Variants in ITGB6 observed in about 807,000 individuals in gnomAD.
The protein encoded by ITGB6 is integrin beta-6.
In ITGB6, 80 loss-of-function variants were observed where a neutral mutation model predicts 84.5. The ratio of observed to expected loss-of-function variants is 0.95; its 90% CI spans 0.79 to 1.14. The LOEUF (loss-of-function observed/expected upper bound fraction) is 1.14, where lower values mean the gene tolerates loss of function less well. Ranked by LOEUF, ITGB6 falls within the 50% of genes most tolerant of loss-of-function variation. The pLI is 0.00. For missense variants in ITGB6, 1,006 were observed against 968.0 expected (o/e 1.04, Z -0.52); for synonymous variants, 383 against 354.9 (o/e 1.08, Z -0.89).
At chr2:160,154,616 A>G (rs1464820437) in intron 7 of ITGB6, among the ~76,000 whole-genome samples, 1 of 152,082 alleles carries the variant, frequency 6.6e-6, no homozygotes, top group Non-Finnish European at 1.5e-5. Flanking sequence ...CCACACAAAA[A>G]CGTGTACATA....
chr2:160,107,577 G>T, intron 14 of ITGB6, 102 bp downstream of exon 14: 2 of 1,046,558 alleles, frequency 1.9e-6, no homozygotes, highest in Non-Finnish European at 2.8e-6. Flanking sequence ...GAGAAAAAAT[G>T]TGACATTTGA....
chr2:160,139,752 T>C (rs2105821903), intron 8 of ITGB6, among the ~76,000 whole-genome samples: 1 of 152,292 alleles, frequency 6.6e-6, no homozygotes, highest in Admixed American at 6.5e-5. Context: ...TTTTTGAGCA[T>C]CTCTTATGAA....
chr2:160,169,800 C>T (rs879712186), intron 6 of ITGB6, among the ~76,000 whole-genome samples: 25 of 152,202 alleles, frequency 1.6e-4, no homozygotes, highest in Admixed American at 5.9e-4. Flanking sequence ...CATACTATGA[C>T]ATTCCCGTAC....
intron 7 of ITGB6, among the ~76,000 whole-genome samples, chr2:160,162,654 T>C (rs947319544): frequency 2.0e-5 from 3 of 152,206 alleles, no homozygotes; most frequent in Non-Finnish European, 2.9e-5. Flanking sequence ...GTTTCACTCT[T>C]GTTGCCCAGG....
chr2:160,172,191 A>G (rs1037451139), intron 6 of ITGB6, among the ~76,000 whole-genome samples: 1 of 152,248 alleles, frequency 6.6e-6, no homozygotes, highest in Non-Finnish European at 1.5e-5. Flanking sequence ...GGATGGCCTG[A>G]TTCAAGGACT....
Position 160,107,823 on chromosome 2 carries a change from A to G in ITGB6, c.2124T>C (p.Ile708=). ...NEKDCPKPPN[I]PMIMLGVSLA... is the part of the protein sequence containing the mutation. ...GGGAAACCCCTAACATGATCATGGGAATGTTTGGAGGCTTCGGACAATCTG... is the reference window on the plus strand; with the variant it reads ...GGGAAACCCCTAACATGATCATGGGGATGTTTGGAGGCTTCGGACAATCTG... Residue 708 remains isoleucine, a synonymous_variant, in exon 14 of 15, where the codon ATT becomes ATC. Transcript: ENST00000283249. The G allele has an allele frequency of 6.2e-7, 1 of 1,611,956 alleles. No individual in the cohort carries two copies.
At chr2:160,127,151 T>C (rs1226639976) in intron 10 of ITGB6, among the ~76,000 whole-genome samples, 1 of 152,234 alleles carries the variant, frequency 6.6e-6, no homozygotes, top group Non-Finnish European at 1.5e-5. Flanking sequence ...TGATATATTT[T>C]GAAATGGCTT....
chr2:160,194,021 G>A (rs999053560), intron 4 of ITGB6, among the ~76,000 whole-genome samples: 1 of 152,158 alleles, frequency 6.6e-6, no homozygotes, highest in African/African-American at 2.4e-5. Context: ...GCCAGGCATG[G>A]TGGCAGGTGC....
chr2:160,132,244 A>G (rs1683499177), intron 10 of ITGB6, among the ~76,000 whole-genome samples: 2 of 152,152 alleles, frequency 1.3e-5, no homozygotes, highest in Admixed American at 1.3e-4. Flanking sequence ...AAACACACCT[A>G]TTAAACCAGG....
intron 10 of ITGB6, among the ~76,000 whole-genome samples, chr2:160,126,915 T>C (rs747939523): frequency 6.6e-5 from 10 of 152,102 alleles, no homozygotes; most frequent in Non-Finnish European, 1.5e-4. Flanking sequence ...CCAAGGGCAT[T>C]CTAAACTAAA....
intron 4 of ITGB6, among the ~76,000 whole-genome samples, chr2:160,176,509 A>T (rs1034993068): frequency 1.1e-4 from 16 of 152,158 alleles, no homozygotes; most frequent in African/African-American, 3.6e-4. Flanking sequence ...TCTTATTTTT[A>T]ATATTGTTCA....
Position 160,137,052 on chromosome 2 carries a change from TAAAAAAAAAAAG to T in ITGB6, c.1660+370_1660+381del, listed in dbSNP as rs1339115694. Among the ~76,000 whole-genome samples, 351 of 88,676 alleles carry T rather than the reference TAAAAAAAAAAAG, an allele frequency of 4.0e-3. 1 individual carries two copies. The highest frequency in any genetic ancestry group is 7.6e-3 in the Non-Finnish European group (303 of 39,750). 58.2% of individuals were successfully genotyped at this position (88,676 alleles called of 152,430 possible). A position where few individuals can be genotyped will look rare whatever the true frequency, so the allele number is the denominator to read the frequency against. On this transcript the variant is annotated intron_variant, in intron 10 of 14. Transcript: ENST00000283249. ...TGTACCCTAAAACTTAAAGTATAAA[TAAAAAAAAAAAG>T]AAAAAAAAAAAGAAAAGGTCAGTCA...
Position 160,178,681 on chromosome 2 carries a change from T to G in ITGB6, c.594-4542A>C, listed in dbSNP as rs1157471960. 1.2e-4 allele frequency among the ~76,000 whole-genome samples: 13 copies of G among 110,774 alleles called. No individual in the cohort carries two copies. The South Asian group carries it at 2.0e-3, about 17-fold the overall frequency. 72.7% of individuals were successfully genotyped at this position (110,774 alleles called of 152,430 possible). A position where few individuals can be genotyped will look rare whatever the true frequency, so the allele number is the denominator to read the frequency against. ...TTTTCTCTCTATCTTTCTCTCTCTC[T>G]CTCTCTCTTTTTTTTTTTTTTTTTT... On this transcript the variant is annotated intron_variant, in intron 4 of 14. Coordinates refer to ENST00000283249, the MANE Select transcript of ITGB6 (RefSeq NM_000888.5).
At chr2:160,199,138 G>A in intron 2 of ITGB6, 41 bp downstream of exon 2, 1 of 1,475,006 alleles carries the variant, frequency 6.8e-7, no homozygotes, top group Non-Finnish European at 9.5e-7. Flanking sequence ...GAATTTAACT[G>A]CAGACAGGTT....
chr2:160,150,111 A>G lies in ITGB6; in HGVS notation c.1018-8040T>C, dbSNP rs372209835. ...AAATTCGGGAAATACAGAGAACACT[A>G]CAAAGATACTCCTCGAGAAGGGAAA... On this transcript the variant is annotated intron_variant, in intron 7 of 14. Coordinates refer to ENST00000283249, the MANE Select transcript of ITGB6 (RefSeq NM_000888.5). Among the ~76,000 whole-genome samples, 43 of 152,336 alleles carry G rather than the reference A, an allele frequency of 2.8e-4. No individual in the cohort carries two copies. In the South Asian group the frequency reaches 4.8e-3, roughly 17 times the overall value.
At chr2:160,111,035 G>A (rs1459262883) in intron 13 of ITGB6, among the ~76,000 whole-genome samples, 2 of 152,072 alleles carry the variant, frequency 1.3e-5, no homozygotes, top group Admixed American at 1.3e-4. Flanking sequence ...TGCGTGCTCT[G>A]CAGAATGGCA....
At chr2:160,101,985 GT>G (rs1696740481) in intron 14 of ITGB6, 151 bp from the exon 15 acceptor site, 3 of 596,808 alleles carry the variant, frequency 5.0e-6, no homozygotes, top group Non-Finnish European at 8.9e-6. Flanking sequence ...TATGTTTAGT[GT>G]TTTGCAATTT....
intron 11 of ITGB6, among the ~76,000 whole-genome samples, chr2:160,126,028 G>C (rs1405008991): frequency 2.0e-5 from 3 of 152,206 alleles, no homozygotes; most frequent in African/African-American, 7.2e-5. Flanking sequence ...CTGACTGCAT[G>C]TGGGTGTCAT....
At chr2:160,191,933 A>T (rs1394175543) in intron 4 of ITGB6, among the ~76,000 whole-genome samples, 1 of 152,200 alleles carries the variant, frequency 6.6e-6, no homozygotes, top group Non-Finnish European at 1.5e-5. Context: ...CATGTGCAAG[A>T]TATCTACCCT....
Sources: allele counts gnomAD v4.1 joint callset (sites outside exome capture counted in the v4.1 genomes callset), GRCh38; gene constraint gnomAD v4.1.1; transcripts MANE v1.5; gene names NCBI Gene and HGNC (gene_info 2026-07-23, HGNC 2026-07-21).